The following TMEM115 variants were observed in gnomAD, a reference collection of about 807,000 sequenced individuals.
TMEM115 encodes the protein transmembrane protein 115.
A neutral mutation model predicts 20.1 loss-of-function variants in TMEM115; 8 were observed. The observed-to-expected ratio is 0.40, with a 90% CI of 0.23 to 0.72. The LOEUF is 0.72. Among genes scored for constraint, TMEM115 ranks in the 30% least tolerant of loss-of-function variants. The pLI, the probability that TMEM115 is intolerant of heterozygous loss-of-function variation, is 0.39. For synonymous variants in TMEM115, 229 were observed against 206.2 expected, an observed-to-expected ratio of 1.11 and a Z score of -0.95; for missense variants, 374 against 455.1, an observed-to-expected ratio of 0.82 and a Z score of 1.62.
rs775070490 is a variant in TMEM115, at chr3:50,358,815, C to T, written c.249G>A (p.Val83=). The T allele has an allele frequency of 6.2e-7, 1 of 1,613,278 alleles. No individual in the cohort carries two copies. Among genetic ancestry groups the T allele is most frequent in the Non-Finnish European group, 8.5e-7 (1 of 1,180,042 alleles). The change falls in exon 1 of 2, where the codon GTG becomes GTA. Residue 83 remains valine (V), a synonymous_variant. Coordinates refer to ENST00000266025, the MANE Select transcript of TMEM115 (RefSeq NM_007024.5). ...WDVAISLTTV[V]VAGRLLEPLW... ...GGGGCTCCAGCAAACGCCCGGCCACCACCACCGTTGTCAGGCTGATGGCCA... is the reference window on the plus strand; with the variant it reads ...GGGGCTCCAGCAAACGCCCGGCCACTACCACCGTTGTCAGGCTGATGGCCA...
chr3:50,357,378 G>A (rs1203802838), intron 1 of TMEM115, among the ~76,000 whole-genome samples: 2 of 152,204 alleles, frequency 1.3e-5, no homozygotes, highest in African/African-American at 2.4e-5. Flanking sequence ...GACAAAGCCC[G>A]TCCCAGATTT....
Position 50,359,228 on chromosome 3 carries a change from G to A in TMEM115, c.-165C>T, listed in dbSNP as rs1703925704. 9.0e-7 allele frequency: 1 copy of A among 1,113,112 alleles called. No homozygotes were observed. The highest frequency in any genetic ancestry group is 1.6e-5 in the African/African-American group (1 of 63,344). The allele number at this position is 1,113,112 out of a possible 1,614,324, so 69.0% of individuals were successfully genotyped here. A position where few individuals can be genotyped will look rare whatever the true frequency, so the allele number is the denominator to read the frequency against. On this transcript the variant is annotated 5_prime_UTR_variant, in exon 1 of 2. Transcript: ENST00000266025. ...GATCGGGTGGGGCTCTGGTCCCGAGGGGCCGAGTCGGGCCTTGTTGCCGGG... is the reference window on the plus strand; with the variant it reads ...GATCGGGTGGGGCTCTGGTCCCGAGAGGCCGAGTCGGGCCTTGTTGCCGGG...
At chr3:50,355,943 G>C (rs1362427563) in intron 1 of TMEM115, among the ~76,000 whole-genome samples, 2 of 152,226 alleles carry the variant, frequency 1.3e-5, no homozygotes, top group Admixed American at 1.3e-4. Context: ...CTGCCTGGGT[G>C]CTGGCATCAC....
rs1431410638 is a variant in TMEM115 at position 50,359,214 on chromosome 3, GC to G, written c.-152del. ...AAGGATCCGCTTCCGATCGGGTGGG[GC>G]TCTGGTCCCGAGGGGCCGAGTCGGG... On this transcript the variant is annotated 5_prime_UTR_variant, in exon 1 of 2. Transcript: ENST00000266025. 1.6e-6 allele frequency: 2 copies of G among 1,275,654 alleles called. No homozygotes were observed. Among genetic ancestry groups the G allele is most frequent in the Non-Finnish European group, 2.1e-6 (2 of 955,476 alleles). The allele number at this position is 1,275,654 out of a possible 1,614,324, so 79.0% of individuals were successfully genotyped here.
rs1045682793 is a variant in TMEM115, at chr3:50,355,056, C to A, written c.*287G>T. On this transcript the variant is annotated 3_prime_UTR_variant, in exon 2 of 2. Transcript: ENST00000266025. ...GGCCCAGGAGCTGTGGCATCAGTGT[C>A]CCTGCAGCCACTTGCTTGGGGCTGC... 12 of 324,116 alleles carry A rather than the reference C, an allele frequency of 3.7e-5. No individual in the cohort carries two copies. The East Asian group carries it at 5.8e-4, about 16-fold the overall frequency. The allele number at this position is 324,116 out of a possible 1,614,324, so 20.1% of individuals were successfully genotyped here. A position where few individuals can be genotyped will look rare whatever the true frequency, so the allele number is the denominator to read the frequency against.
intron 1 of TMEM115, among the ~76,000 whole-genome samples, chr3:50,357,390 A>G (rs1703893451): frequency 6.6e-6 from 1 of 152,234 alleles, no homozygotes; most frequent in Non-Finnish European, 1.5e-5. Context: ...CCCAGATTTT[A>G]CTACTCGAGT....
rs1199913692 is a variant in TMEM115 at position 50,358,837 on chromosome 3, G to A, written c.227C>T (p.Ala76Val). Residue 76 changes from alanine (A) to valine (V), a missense_variant, in exon 1 of 2, where the codon GCC (alanine) becomes GTC (valine). Transcript: ENST00000266025. ...GLMEQHVWDVAISLTTVVVAG... is the reference protein window; with the variant it reads ...GLMEQHVWDVVISLTTVVVAG... The stretch of plus-strand genomic sequence containing the variant: ...CACCACCACCGTTGTCAGGCTGATG[G>A]CCACGTCCCACACATGCTGCTCCAT... 6.2e-7 allele frequency: 1 copy of A among 1,613,264 alleles called. No homozygotes were observed. Among genetic ancestry groups the A allele is most frequent in the Non-Finnish European group, 8.5e-7 (1 of 1,180,028 alleles).
chr3:50,355,477 C>T lies in TMEM115; in HGVS notation c.922G>A (p.Asp308Asn). The T allele has an allele frequency of 6.2e-7, 1 of 1,609,208 alleles. No individual in the cohort carries two copies. Among genetic ancestry groups the T allele is most frequent in the Non-Finnish European group, 8.5e-7 (1 of 1,177,690 alleles). ...VEDQSIWPSM[D>N]DDEEESGAKV... ...GCCCCAGACTCCTCTTCATCATCAT[C>T]CATGCTGGGCCAGATGGACTGGTCT... Residue 308 changes from aspartate (D) to asparagine (N), a missense_variant, in exon 2 of 2, where the codon GAT becomes AAT. Transcript: ENST00000266025.
chr3:50,356,119 T>G (rs1459662850), intron 1 of TMEM115, among the ~76,000 whole-genome samples: 1 of 152,206 alleles, frequency 6.6e-6, no homozygotes, highest in Non-Finnish European at 1.5e-5. Flanking sequence ...GATGCTAATA[T>G]TCTCCCTCTC....
Position 50,358,500 on chromosome 3 carries a change from G to A in TMEM115, c.564C>T (p.Ser188=), listed in dbSNP as rs983163001. ...CGAAGCCATAGGAAGCCAGCGCCGGGCTCTGGAGCAGCGTGGCGAGCCGCA... is the reference window on the plus strand; with the variant it reads ...CGAAGCCATAGGAAGCCAGCGCCGGACTCTGGAGCAGCGTGGCGAGCCGCA... ...LLLRLATLLQ[S]PALASYGFGL... The change falls in exon 1 of 2, where the codon AGC becomes AGT. Residue 188 remains serine (S), a synonymous_variant. Coordinates refer to ENST00000266025, the MANE Select transcript of TMEM115 (RefSeq NM_007024.5). The A allele has an allele frequency of 1.9e-6, 3 of 1,612,488 alleles. No homozygotes were observed. Among genetic ancestry groups the A allele is most frequent in the Middle Eastern group, 1.7e-4 (1 of 6,058 alleles).
chr3:50,358,323 C>G lies in TMEM115; in HGVS notation c.741G>C (p.Leu247=), dbSNP rs1031272139. 28 of 1,613,748 alleles carry G rather than the reference C, an allele frequency of 1.7e-5. No homozygotes were observed. Among genetic ancestry groups the G allele is most frequent in the Non-Finnish European group, 2.3e-5 (27 of 1,180,044 alleles). Residue 247 remains leucine (L), a synonymous_variant, in exon 1 of 2, where the codon CTG becomes CTC. Coordinates refer to ENST00000266025, the MANE Select transcript of TMEM115 (RefSeq NM_007024.5). ...TCTTCTGGCATATCTTTACCTTCAC[C>G]AGGAGGCTGTGCACCAAGTTCGCCA... ...GLLANLVHSL[L]VKVKICQKTV... is the part of the protein sequence containing the mutation.
chr3:50,359,098 G>C lies in TMEM115; in HGVS notation c.-35C>G. The stretch of plus-strand genomic sequence containing the variant: ...GGCTGTCGGCCTGAGAAAAGGGTCT[G>C]GTAGGCCAGGGGCCTCCCCGGGGCC... On this transcript the variant is annotated 5_prime_UTR_variant, in exon 1 of 2. Coordinates refer to ENST00000266025, the MANE Select transcript of TMEM115 (RefSeq NM_007024.5). The C allele has an allele frequency of 1.3e-6, 2 of 1,531,912 alleles. No individual in the cohort carries two copies. The highest frequency in any genetic ancestry group is 1.8e-6 in the Non-Finnish European group (2 of 1,137,808). The allele number at this position is 1,531,912 out of a possible 1,614,324, so 94.9% of individuals were successfully genotyped here. A position where few individuals can be genotyped will look rare whatever the true frequency, so the allele number is the denominator to read the frequency against.
Position 50,355,195 on chromosome 3 carries a change from G to A in TMEM115, c.*148C>T. On this transcript the variant is annotated 3_prime_UTR_variant, in exon 2 of 2. Coordinates refer to ENST00000266025, the MANE Select transcript of TMEM115 (RefSeq NM_007024.5). ...TGGAACCAGGTAGCAAGAGTCCTGG[G>A]TAGTGTTGGCGAGAAACAGCAGAAG... 1.8e-6 allele frequency: 1 copy of A among 561,088 alleles called. No homozygotes were observed. The highest frequency in any genetic ancestry group is 3.0e-6 in the Non-Finnish European group (1 of 334,896). 34.8% of individuals were successfully genotyped at this position (561,088 alleles called of 1,614,324 possible). A position where few individuals can be genotyped will look rare whatever the true frequency, so the allele number is the denominator to read the frequency against.
At chr3:50,356,702 A>C (rs1703882361) in intron 1 of TMEM115, among the ~76,000 whole-genome samples, 2 of 152,188 alleles carry the variant, frequency 1.3e-5, no homozygotes, top group African/African-American at 4.8e-5. Flanking sequence ...ACTTCCTCAC[A>C]AGGACCAGAG....
At chr3:50,357,246 C>G (rs1306296068) in intron 1 of TMEM115, among the ~76,000 whole-genome samples, 1 of 152,218 alleles carries the variant, frequency 6.6e-6, no homozygotes, top group Non-Finnish European at 1.5e-5. Context: ...GAGTGTGTCC[C>G]ACACTCAATT....
chr3:50,357,846 T>A (rs1703901862), intron 1 of TMEM115, among the ~76,000 whole-genome samples: 1 of 152,250 alleles, frequency 6.6e-6, no homozygotes, highest in Non-Finnish European at 1.5e-5. Context: ...CCTCCTTCCC[T>A]GTCCCTTCCT....
Position 50,358,767 on chromosome 3 carries a change from G to T in TMEM115, c.297C>A (p.Leu99=). 6.2e-7 allele frequency: 1 copy of T among 1,613,418 alleles called. No individual in the cohort carries two copies. The highest frequency in any genetic ancestry group is 1.1e-5 in the South Asian group (1 of 91,080). The change falls in exon 1 of 2, where the codon CTC becomes CTA. Residue 99 remains leucine (L), a synonymous_variant. Transcript: ENST00000266025. ...ACACATTCACCACTGAGAAGAAGAT[G>T]AGCAGCTCCAAGGCCCCCCAGAGGG... ...LEPLWGALEL[L]IFFSVVNVSV... is the part of the protein sequence containing the mutation.
Position 50,358,154 on chromosome 3 carries a change from G to A in TMEM115, c.851+59C>T, listed in dbSNP as rs1703905278. On this transcript the variant is annotated intron_variant, in intron 1 of 1. Transcript: ENST00000266025. ...TGTACAGCGAACACCTCAACAGATGGCATGTGACTCGACCAGTATGCTCCT... is the reference window on the plus strand; with the variant it reads ...TGTACAGCGAACACCTCAACAGATGACATGTGACTCGACCAGTATGCTCCT... 3.2e-6 allele frequency: 5 copies of A among 1,581,972 alleles called. No individual in the cohort carries two copies. In the Admixed American group the frequency reaches 6.8e-5, roughly 21 times the overall value.
Position 50,358,919 on chromosome 3 carries a change from G to A in TMEM115, c.145C>T (p.Pro49Ser). 1 of 1,612,888 alleles carries A rather than the reference G, an allele frequency of 6.2e-7. No individual in the cohort carries two copies. The highest frequency in any genetic ancestry group is 8.5e-7 in the Non-Finnish European group (1 of 1,179,940). Residue 49 changes from proline to serine, a missense_variant, in exon 1 of 2, where the codon CCG becomes TCG. Physicochemically the swap from Pro to Ser is moderately conservative, Grantham distance 74. Transcript: ENST00000266025. ...AVDTGCLAVT[P>S]GYLFPPNFWI... is the part of the protein sequence containing the mutation. ...AAGTTGGGAGGAAAGAGGTAGCCCGGGGTGACCGCCAGGCAGCCTGTGTCC... is the reference window on the plus strand; with the variant it reads ...AAGTTGGGAGGAAAGAGGTAGCCCGAGGTGACCGCCAGGCAGCCTGTGTCC...
Sources: gnomAD v4.1 joint callset for allele counts (sites outside exome capture counted in the v4.1 genomes callset) on GRCh38, gnomAD v4.1.1 for gene constraint, MANE v1.5 for transcripts, NCBI Gene and HGNC (gene_info 2026-07-23, HGNC 2026-07-21) for gene names.